The following PCDH15 variants were observed in gnomAD, a reference collection of about 807,000 sequenced individuals.
The protein encoded by PCDH15 is protocadherin related 15.
A neutral mutation model predicts 178.5 loss-of-function variants in PCDH15; 129 were observed. The observed-to-expected ratio is 0.72, with a 90% CI of 0.63 to 0.84. PCDH15 has a LOEUF of 0.84. Ranked by LOEUF, PCDH15 falls within the 40% of genes least tolerant of loss-of-function variation. The probability of loss-of-function intolerance (pLI) is 0.00; values close to 1 mark genes in which losing one functional copy is unlikely to be tolerated. For synonymous variants in PCDH15, 800 were observed against 732.0 expected (o/e 1.09, Z -1.50); for missense variants, 2,230 against 2,099.9 (o/e 1.06, Z -1.21).
chr10:55,583,909 G>T (rs948221624), intron 2 of PCDH15, among the ~76,000 whole-genome samples: 11 of 152,012 alleles, frequency 7.2e-5, no homozygotes, highest in African/African-American at 2.7e-4. Context: ...ACGGGGTCTT[G>T]CTTTGTCACC....
chr10:54,674,543 T>C (rs2094744419), intron 1 of PCDH15, among the ~76,000 whole-genome samples: 1 of 152,130 alleles, frequency 6.6e-6, no homozygotes, highest in South Asian at 2.1e-4. Flanking sequence ...TTGATATATA[T>C]TAAGCTTTTA....
chr10:55,284,867 G>A (rs1008805087), intron 1 of PCDH15, among the ~76,000 whole-genome samples: 2 of 151,926 alleles, frequency 1.3e-5, no homozygotes, highest in African/African-American at 2.4e-5. Flanking sequence ...TATGGTTTAT[G>A]TAGTGCTAAT....
intron 2 of PCDH15, among the ~76,000 whole-genome samples, chr10:55,115,227 G>A (rs562339941): frequency 6.6e-6 from 1 of 152,158 alleles, no homozygotes; most frequent in South Asian, 2.1e-4. Context: ...ATTTGAAAGT[G>A]GCTGCGTCTA....
chr10:55,086,379 A>C (rs1842167498), intron 2 of PCDH15, among the ~76,000 whole-genome samples: 1 of 152,092 alleles, frequency 6.6e-6, no homozygotes, highest in Non-Finnish European at 1.5e-5. Context: ...GATCAGTAAA[A>C]AGTGATAAAC....
intron 18 of PCDH15, among the ~76,000 whole-genome samples, chr10:54,057,864 T>G (rs7080789): frequency 0.6 from 91,073 of 151,794 alleles, 27,466 homozygotes; most frequent in Middle Eastern, 0.75. Context: ...CTGAATCATC[T>G]CTTTCAAGTT....
chr10:54,481,389 A>T (rs2078705787), intron 3 of PCDH15, among the ~76,000 whole-genome samples: 1 of 151,768 alleles, frequency 6.6e-6, no homozygotes, highest in Non-Finnish European at 1.5e-5. Flanking sequence ...TTCTTACATA[A>T]CAAATGCTGA....
chr10:54,052,624 G>T (rs1590135625), intron 18 of PCDH15, among the ~76,000 whole-genome samples: 1 of 152,118 alleles, frequency 6.6e-6, no homozygotes, highest in Non-Finnish European at 1.5e-5. Context: ...TGTCTCAGAT[G>T]AGACTTAGGA....
chr10:54,908,713 G>A (rs538268551), intron 2 of PCDH15, among the ~76,000 whole-genome samples: 45 of 152,208 alleles, frequency 3.0e-4, no homozygotes, highest in Non-Finnish European at 5.7e-4. Flanking sequence ...AATCATTTCT[G>A]TAAACGGTGT....
intron 13 of PCDH15, among the ~76,000 whole-genome samples, chr10:54,153,835 A>G (rs563259619): frequency 6.6e-6 from 1 of 152,070 alleles, no homozygotes; most frequent in South Asian, 2.1e-4. Flanking sequence ...AGGAAAGGTT[A>G]TTAACTTGCA....
chr10:55,513,545 G>T (rs549544274), intron 2 of PCDH15, among the ~76,000 whole-genome samples: 49 of 152,146 alleles, frequency 3.2e-4, no homozygotes, highest in African/African-American at 1.1e-3. Context: ...TGATAAAACG[G>T]ATAATGTTGG....
At chr10:54,677,320 C>G (rs532729013) in intron 1 of PCDH15, among the ~76,000 whole-genome samples, 1 of 152,234 alleles carries the variant, frequency 6.6e-6, no homozygotes, top group African/African-American at 2.4e-5. Flanking sequence ...TTCAAGGTTA[C>G]AGTGAGATAT....
intron 2 of PCDH15, among the ~76,000 whole-genome samples, chr10:55,512,606 G>GGT (rs1199532189): frequency 6.6e-6 from 1 of 152,020 alleles, no homozygotes; most frequent in Non-Finnish European, 1.5e-5. Flanking sequence ...ACCACAGAGA[G>GGT]CCTTTTATTT....
intron 1 of PCDH15, among the ~76,000 whole-genome samples, chr10:55,272,048 C>T (rs1350750787): frequency 1.3e-5 from 2 of 151,904 alleles, no homozygotes; most frequent in African/African-American, 4.8e-5. Flanking sequence ...AAATAAGCCA[C>T]GAGTTTGAGG....
chr10:55,570,473 C>T (rs961964942), intron 2 of PCDH15, among the ~76,000 whole-genome samples: 1 of 151,836 alleles, frequency 6.6e-6, no homozygotes, highest in African/African-American at 2.4e-5. Context: ...AAGAAGTTTG[C>T]TGCTTTCTGA....
At chr10:54,407,673 CA>C (rs1450047922) in intron 3 of PCDH15, among the ~76,000 whole-genome samples, 1 of 152,082 alleles carries the variant, frequency 6.6e-6, no homozygotes, top group Non-Finnish European at 1.5e-5. Flanking sequence ...CTTGTGTCCA[CA>C]AGGGAATCAA....
chr10:54,937,147 G>T (rs1837928102), intron 2 of PCDH15, among the ~76,000 whole-genome samples: 1 of 151,956 alleles, frequency 6.6e-6, no homozygotes, highest in Admixed American at 6.6e-5. Context: ...CAGTGAAGAG[G>T]CTTATTTTTG....
At chr10:55,151,562 C>T (rs1838714103) in intron 2 of PCDH15, among the ~76,000 whole-genome samples, 1 of 151,826 alleles carries the variant, frequency 6.6e-6, no homozygotes, top group South Asian at 2.1e-4. Context: ...GGCAAAATAC[C>T]TTCAGACCTT....
intron 1 of PCDH15, among the ~76,000 whole-genome samples, chr10:54,664,654 C>T (rs1490303341): frequency 6.6e-6 from 1 of 151,880 alleles, no homozygotes; most frequent in Non-Finnish European, 1.5e-5. Context: ...CATAATTTTA[C>T]AACAAAGTGT....
chr10:55,065,580 C>G (rs1381926735), intron 2 of PCDH15, among the ~76,000 whole-genome samples: 6 of 152,004 alleles, frequency 3.9e-5, no homozygotes, highest in Non-Finnish European at 8.8e-5. Flanking sequence ...ACTCTATGAA[C>G]CCAGGAGAGT....
Sources: gnomAD v4.1 joint callset for allele counts (sites outside exome capture counted in the v4.1 genomes callset) on GRCh38, gnomAD v4.1.1 for gene constraint, MANE v1.5 for transcripts, NCBI Gene and HGNC (gene_info 2026-07-23, HGNC 2026-07-21) for gene names.